The following KIAA1671 variants were observed in gnomAD, a reference collection of about 807,000 sequenced individuals.
KIAA1671 encodes the protein KIAA1671.
A neutral mutation model predicts 131.2 loss-of-function variants in KIAA1671; 52 were observed. The ratio of observed to expected loss-of-function variants is 0.40; its 90% CI spans 0.32 to 0.50. The LOEUF (loss-of-function observed/expected upper bound fraction) is 0.50. KIAA1671 is among the 20% of genes least tolerant of loss of function. KIAA1671 has a pLI of 0.73. For synonymous variants in KIAA1671, 1,003 were observed against 961.6 expected (o/e 1.04, Z -0.80); for missense variants, 2,360 against 2,364.2 (o/e 1.00, Z 0.04).
At chr22:25,155,976 G>T (rs1319448850) in intron 6 of KIAA1671, among the ~76,000 whole-genome samples, 2 of 123,406 alleles carry the variant, frequency 1.6e-5, no homozygotes, top group Non-Finnish European at 1.7e-5. Context: ...GTGTGTATTT[G>T]TGTGTATCTT....
At chr22:25,183,457 C>CCTCT (rs1934362235) in intron 10 of KIAA1671, among the ~76,000 whole-genome samples, 1 of 120,662 alleles carries the variant, frequency 8.3e-6, no homozygotes, top group Non-Finnish European at 1.7e-5. Context: ...TCCCTCCCTC[C>CCTCT]CTCCCTCTCT....
chr22:25,079,645 A>C (rs1470192379), intron 6 of KIAA1671, among the ~76,000 whole-genome samples: 1 of 152,226 alleles, frequency 6.6e-6, no homozygotes, highest in Non-Finnish European at 1.5e-5. Context: ...AGGCCCAAGC[A>C]TGCACAGGCA....
chr22:24,973,743 C>G (rs1035270611), intron 1 of KIAA1671, among the ~76,000 whole-genome samples: 28 of 152,076 alleles, frequency 1.8e-4, no homozygotes, highest in African/African-American at 5.1e-4. Context: ...ATATCTGTCT[C>G]TACTATGGAA....
intron 6 of KIAA1671, among the ~76,000 whole-genome samples, chr22:25,148,786 T>C (rs1246546030): frequency 1.3e-5 from 2 of 152,216 alleles, no homozygotes; most frequent in Admixed American, 1.3e-4. Flanking sequence ...TTGAGTCTTA[T>C]TTGCATCTCG....
At chr22:25,147,756 G>T (rs111977092) in intron 6 of KIAA1671, among the ~76,000 whole-genome samples, 2 of 152,248 alleles carry the variant, frequency 1.3e-5, no homozygotes, top group African/African-American at 4.8e-5. Flanking sequence ...TTTGTGATCT[G>T]CTCTGTTCTG....
chr22:25,041,090 A>T lies in KIAA1671; in HGVS notation c.3960A>T (p.Lys1320Asn). The T allele has an allele frequency of 2.6e-6, 4 of 1,542,510 alleles. No individual in the cohort carries two copies. Among genetic ancestry groups the T allele is most frequent in the Non-Finnish European group, 2.6e-6 (3 of 1,142,180 alleles). The change falls in exon 5 of 13, where the codon AAA (lysine) becomes AAT (asparagine). Residue 1320 changes from lysine to asparagine, a missense_variant. By Grantham distance (94) the Lys-to-Asn change is moderately conservative (BLOSUM62 0). This residue lies in a region of KIAA1671 where 1,161 missense variants were observed against 1,204.7 expected (regional missense o/e 0.96). Coordinates refer to ENST00000358431, the MANE Select transcript of KIAA1671 (RefSeq NM_001145206.2). ...GGSPIPADPR[K>N]KTGFAEDDRK... ...CTCCTATACCTGCGGATCCCAGGAA[A>T]AAAACGGGGTTTGCTGAGGATGACA...
In KIAA1671 at chr22:25,177,490, C is replaced by G; in HGVS notation, c.5042C>G (p.Thr1681Ser). ...AGCAGATCACCTTTGGAGGATGAGA[C>G]TGACAACACGTGGATGTTCAAAGAC... Reference protein sequence around the residue: ...SESRSPLEDETDNTWMFKDST... With the variant: ...SESRSPLEDESDNTWMFKDST... Residue 1681 changes from threonine (T) to serine (S), a missense_variant, in exon 9 of 13, where the codon ACT (threonine) becomes AGT (serine). This residue lies in a region of KIAA1671 where 1,161 missense variants were observed against 1,204.7 expected (regional missense o/e 0.96). Transcript: ENST00000358431. The G allele has an allele frequency of 6.4e-7, 1 of 1,551,660 alleles. No homozygotes were observed. The highest frequency in any genetic ancestry group is 8.7e-7 in the Non-Finnish European group (1 of 1,146,916).
chr22:25,090,240 G>A (rs1929958800), intron 6 of KIAA1671, among the ~76,000 whole-genome samples: 1 of 152,190 alleles, frequency 6.6e-6, no homozygotes, highest in African/African-American at 2.4e-5. Context: ...TATGCCGGTC[G>A]AGAGACCGTA....
At position 25,174,456 on chromosome 22, in the gene KIAA1671, T is replaced by C; in HGVS notation, c.4866T>C (p.Pro1622=). Residue 1622 remains proline (P), a synonymous_variant, in exon 8 of 13, where the codon CCT becomes CCC. Transcript: ENST00000358431. ...MEGPPPPDAC[P]EKRVDDFSFI... ...GGCCGCCTCCACCGGACGCCTGCCC[T>C]GAAAAGAGAGTAGATGACTTCTCCT... 6.5e-7 allele frequency: 1 copy of C among 1,541,668 alleles called. No individual in the cohort carries two copies. Among genetic ancestry groups the C allele is most frequent in the Non-Finnish European group, 8.8e-7 (1 of 1,140,302 alleles).
At chr22:25,100,414 A>T (rs1930602834) in intron 6 of KIAA1671, among the ~76,000 whole-genome samples, 1 of 152,214 alleles carries the variant, frequency 6.6e-6, no homozygotes, top group Admixed American at 6.5e-5. Flanking sequence ...GAGGAGGAAC[A>T]CAGGGCAAGG....
intron 1 of KIAA1671, among the ~76,000 whole-genome samples, chr22:24,959,886 C>A (rs1462130233): frequency 6.6e-6 from 1 of 152,012 alleles, no homozygotes; most frequent in Non-Finnish European, 1.5e-5. Context: ...GCCTGTAATC[C>A]CAGCACTTTG....
At chr22:25,033,710 C>G (rs1342253095) in intron 4 of KIAA1671, among the ~76,000 whole-genome samples, 2 of 150,152 alleles carry the variant, frequency 1.3e-5, no homozygotes, top group Non-Finnish European at 3.0e-5. Context: ...TCCCAAGTAG[C>G]TGGGACTACA....
chr22:25,007,952 T>C (rs1924836544), intron 1 of KIAA1671, among the ~76,000 whole-genome samples: 3 of 151,872 alleles, frequency 2.0e-5, no homozygotes, highest in African/African-American at 7.3e-5. Context: ...TCCCAGCACT[T>C]GGGGAGGCTG....
intron 6 of KIAA1671, chr22:25,112,216 C>A (rs772788319): frequency 4.8e-5 from 19 of 398,932 alleles, no homozygotes; most frequent in Non-Finnish European, 7.1e-5. Context: ...TGGCCCAGAC[C>A]CACATGACCC....
At chr22:25,140,208 G>A (rs1002462463) in intron 6 of KIAA1671, among the ~76,000 whole-genome samples, 4 of 152,158 alleles carry the variant, frequency 2.6e-5, no homozygotes, top group Admixed American at 1.3e-4. Flanking sequence ...TTTCCTTGGG[G>A]TAGAGGACTG....
At chr22:25,182,281 C>T (rs1201364004) in intron 10 of KIAA1671, among the ~76,000 whole-genome samples, 1 of 151,396 alleles carries the variant, frequency 6.6e-6, no homozygotes. Flanking sequence ...TTCCTCCCTC[C>T]CTTCCTACCT....
intron 8 of KIAA1671, 200 bp downstream of exon 8, chr22:25,174,689 ACCT>A: frequency 1.9e-6 from 1 of 531,842 alleles, no homozygotes; most frequent in African/African-American, 1.9e-5. Flanking sequence ...AAATGTCTTC[ACCT>A]CTCTGAGCCT....
chr22:25,183,117 G>A (rs922254812), intron 10 of KIAA1671, among the ~76,000 whole-genome samples: 4 of 152,176 alleles, frequency 2.6e-5, no homozygotes, highest in Non-Finnish European at 4.4e-5. Context: ...TTATGCTCCA[G>A]CAACCTTGCA....
At chr22:25,010,719 T>C (rs927989032) in intron 1 of KIAA1671, 1 of 152,206 alleles carries the variant, frequency 6.6e-6, no homozygotes, top group African/African-American at 2.4e-5. Context: ...CCGTGTTCAT[T>C]AAGAATATTT....
Sources: gnomAD v4.1 joint callset for allele counts (sites outside exome capture counted in the v4.1 genomes callset) on GRCh38, gnomAD v4.1.1 for gene constraint, gnomAD v4.1.1 regional missense constraint, MANE v1.5 for transcripts, NCBI Gene and HGNC (gene_info 2026-07-23, HGNC 2026-07-21) for gene names.